The following GLI2 variants were observed in gnomAD, a reference collection of about 807,000 sequenced individuals.
GLI2 encodes GLI family zinc finger 2.
Under a neutral mutation model 78.9 loss-of-function variants are expected in GLI2, and 22 were observed. The observed-to-expected ratio is 0.28, with a 90% CI of 0.20 to 0.40. The LOEUF is 0.40. GLI2 is among the 10% of genes least tolerant of loss of function. GLI2 has a pLI of 1.00. For missense variants in GLI2, 2,097 were observed against 2,213.2 expected, an observed-to-expected ratio of 0.95 and a Z score of 1.05; for synonymous variants, 974 against 963.7, an observed-to-expected ratio of 1.01 and a Z score of -0.20.
chr2:120,812,310 G>T (rs1685286337), intron 2 of GLI2, among the ~76,000 whole-genome samples: 1 of 152,200 alleles, frequency 6.6e-6, no homozygotes, highest in Admixed American at 6.5e-5. Flanking sequence ...TGGGAGTCCG[G>T]TGTCCCCAGG....
At chr2:120,920,255 T>G (rs551166315) in intron 2 of GLI2, among the ~76,000 whole-genome samples, 1 of 152,366 alleles carries the variant, frequency 6.6e-6, no homozygotes, top group East Asian at 1.9e-4. Flanking sequence ...GCCCTCAGGC[T>G]TCTCTGGGAG....
At chr2:120,889,462 T>G (rs1677576175) in intron 2 of GLI2, among the ~76,000 whole-genome samples, 1 of 152,172 alleles carries the variant, frequency 6.6e-6, no homozygotes, top group Non-Finnish European at 1.5e-5. Context: ...TAAGCATGAT[T>G]CATAAAAGGA....
chr2:120,990,332 C>T lies in GLI2; in HGVS notation c.4367C>T (p.Pro1456Leu). 1 of 1,613,890 alleles carries T rather than the reference C, an allele frequency of 6.2e-7. No homozygotes were observed. Among genetic ancestry groups the T allele is most frequent in the Non-Finnish European group, 8.5e-7 (1 of 1,180,030 alleles). ...LGSCQVMRSQPPQPQACQDSI... is the reference protein window; with the variant it reads ...LGSCQVMRSQLPQPQACQDSI... ...AGCTGCCAGGTCATGCGGTCCCAGC[C>T]ACCACAGCCACAGGCCTGTCAGGAC... Residue 1456 changes from proline (P) to leucine (L), a missense_variant, in exon 14 of 14, where the codon CCA becomes CTA. Pro to Leu is a moderately conservative substitution (Grantham distance 98). Around this residue, in one of 5 missense-constraint regions of GLI2, gnomAD observed 1,290 missense variants for 1,261.7 expected, o/e 1.02. Transcript: ENST00000361492.
chr2:120,943,040 T>C (rs1419584105), intron 3 of GLI2, among the ~76,000 whole-genome samples: 2 of 152,224 alleles, frequency 1.3e-5, no homozygotes, highest in Admixed American at 1.3e-4. Context: ...GTCCCTGGCA[T>C]GTGCGGAGCC....
At chr2:120,873,865 A>G (rs1008764941) in intron 2 of GLI2, among the ~76,000 whole-genome samples, 1 of 152,216 alleles carries the variant, frequency 6.6e-6, no homozygotes, top group South Asian at 2.1e-4. Flanking sequence ...AACGACAGAG[A>G]ACATTTCCAT....
At chr2:120,978,678 C>T in intron 10 of GLI2, 95 bp downstream of exon 10, 1 of 1,375,648 alleles carries the variant, frequency 7.3e-7, no homozygotes, top group South Asian at 1.3e-5. Flanking sequence ...GCCACAGGCA[C>T]ACCTGGGTGG....
At chr2:120,930,585 G>A (rs79793519) in intron 3 of GLI2, among the ~76,000 whole-genome samples, 5,899 of 152,324 alleles carry the variant, frequency 0.039, 350 homozygotes, top group African/African-American at 0.13. Context: ...GAGTCCAGTC[G>A]CTCCCAGAAC....
intron 2 of GLI2, among the ~76,000 whole-genome samples, chr2:120,898,243 C>T (rs1245475695): frequency 1.3e-5 from 2 of 150,110 alleles, no homozygotes; most frequent in East Asian, 1.9e-4. Context: ...GAAAATCATT[C>T]CAGTCCTGTG....
At chr2:120,762,675 C>T (rs1683249552) in intron 1 of GLI2, among the ~76,000 whole-genome samples, 1 of 152,200 alleles carries the variant, frequency 6.6e-6, no homozygotes, top group Admixed American at 6.5e-5. Flanking sequence ...GGGCCTGCAG[C>T]TAGTGTAGGC....
chr2:120,845,631 C>G (rs1224333821), intron 2 of GLI2, among the ~76,000 whole-genome samples: 3 of 152,164 alleles, frequency 2.0e-5, no homozygotes, highest in African/African-American at 7.2e-5. Context: ...TCGGGAGCCC[C>G]GGTCAGCTTC....
At chr2:120,978,364 G>A (rs1301208790) in intron 9 of GLI2, 70 bp from the exon 10 acceptor site, 1 of 1,585,550 alleles carries the variant, frequency 6.3e-7, no homozygotes, top group Non-Finnish European at 8.7e-7. Context: ...CAGGTGGTCA[G>A]CTGACAGCAG....
At chr2:120,986,720 A>G in intron 13 of GLI2, 106 bp downstream of exon 13, 2 of 888,002 alleles carry the variant, frequency 2.3e-6, no homozygotes, top group South Asian at 3.1e-5. Flanking sequence ...GGATTCCTAC[A>G]GGATCTTACC....
intron 3 of GLI2, among the ~76,000 whole-genome samples, chr2:120,938,462 A>G (rs1300549102): frequency 6.6e-6 from 1 of 152,252 alleles, no homozygotes; most frequent in Non-Finnish European, 1.5e-5. Flanking sequence ...CTAGATTGCA[A>G]CCAAGTCCAT....
At chr2:120,819,599 C>T (rs1168309589) in intron 2 of GLI2, among the ~76,000 whole-genome samples, 1 of 152,158 alleles carries the variant, frequency 6.6e-6, no homozygotes. Context: ...CCTCCTTTAG[C>T]AGCTGAAAGC....
intron 1 of GLI2, among the ~76,000 whole-genome samples, chr2:120,748,815 A>G (rs1040844204): frequency 6.6e-6 from 1 of 152,056 alleles, no homozygotes; most frequent in African/African-American, 2.4e-5. Flanking sequence ...CCCAGTCAAG[A>G]TTATAGGTTG....
chr2:120,950,604 C>T (rs1401799030), intron 3 of GLI2, among the ~76,000 whole-genome samples: 5 of 152,126 alleles, frequency 3.3e-5, no homozygotes, highest in Non-Finnish European at 4.4e-5. Flanking sequence ...GTTCTGTTAG[C>T]GCTAGGAGGA....
At chr2:120,877,086 A>G (rs277548) in intron 2 of GLI2, among the ~76,000 whole-genome samples, 76,542 of 152,036 alleles carry the variant, frequency 0.5, 23,106 homozygotes, top group African/African-American at 0.85. Flanking sequence ...ATGCATTTGC[A>G]TGGGGCTTGG....
intron 1 of GLI2, among the ~76,000 whole-genome samples, chr2:120,753,350 C>A (rs1247699294): frequency 6.6e-6 from 1 of 152,158 alleles, no homozygotes; most frequent in East Asian, 1.9e-4. Context: ...CCTGCGTCGA[C>A]CTCTGAAAGT....
At chr2:120,912,215 T>G (rs1302912166) in intron 2 of GLI2, among the ~76,000 whole-genome samples, 1 of 152,026 alleles carries the variant, frequency 6.6e-6, no homozygotes, top group African/African-American at 2.4e-5. Context: ...TAAAAAGAAG[T>G]AGACTCTGTC....
Sources: allele counts gnomAD v4.1 joint callset (sites outside exome capture counted in the v4.1 genomes callset), GRCh38; gene constraint gnomAD v4.1.1; regional missense constraint gnomAD v4.1.1; transcripts MANE v1.5; gene names NCBI Gene and HGNC (gene_info 2026-07-23, HGNC 2026-07-21).